KAZALD1: variants seen among roughly 807,000 people sequenced by gnomAD.
KAZALD1 encodes the protein Kazal type serine peptidase inhibitor domain 1, also known as kazal-type serine protease inhibitor domain-containing protein 1.
In KAZALD1, 31 loss-of-function variants were observed where a neutral mutation model predicts 27.7. The observed-to-expected ratio is 1.12, with a 90% CI of 0.84 to 1.51. KAZALD1 has a LOEUF of 1.51. KAZALD1 is among the 40% of genes most tolerant of loss of function. The probability of loss-of-function intolerance (pLI) is 0.00; values close to 1 mark genes in which losing one functional copy is unlikely to be tolerated. For missense variants in KAZALD1, 444 were observed against 408.9 expected, an observed-to-expected ratio of 1.09 and a Z score of -0.74; for synonymous variants, 179 against 182.0, an observed-to-expected ratio of 0.98 and a Z score of 0.13.
chr10:101,068,082 G>C (rs750779970), downstream of KAZALD1: 7 of 448,248 alleles, frequency 1.6e-5, no homozygotes, highest in Non-Finnish European at 3.3e-5. Flanking sequence ...CAGGGGCCTT[G>C]AGACAATTTA....
At position 101,066,443 on chromosome 10, in the gene KAZALD1, G is replaced by A. The variant is rs752896145; in HGVS notation, c.*1523G>A. On this transcript the variant is annotated 3_prime_UTR_variant, in exon 5 of 5. Coordinates refer to ENST00000370200, the MANE Select transcript of KAZALD1 (RefSeq NM_030929.5). The stretch of plus-strand genomic sequence containing the variant: ...TAAGCCAGCGACAGTTTTTATTGCC[G>A]AACCCAGGCTGGAAGCGGGCGGCCC... The A allele has an allele frequency of 8.8e-6, 4 of 456,562 alleles. No individual in the cohort carries two copies. Among genetic ancestry groups the A allele is most frequent in the African/African-American group, 2.0e-5 (1 of 50,084 alleles). 28.3% of individuals were successfully genotyped at this position (456,562 alleles called of 1,614,324 possible).
downstream of KAZALD1, chr10:101,067,293 G>A: frequency 2.2e-6 from 1 of 456,734 alleles, no homozygotes; most frequent in South Asian, 1.5e-5. Flanking sequence ...CCGACCCAGA[G>A]TTGCCAGGCC....
chr10:101,062,763 G>C lies in KAZALD1; in HGVS notation c.171G>C (p.Arg57=), dbSNP rs1380264711. 1 of 1,552,240 alleles carries C rather than the reference G, an allele frequency of 6.4e-7. No individual in the cohort carries two copies. ...LAEGEGCAPC[R]PEECAAPRGC... The stretch of plus-strand genomic sequence containing the variant: ...AGGGCGAGGGCTGCGCTCCCTGCCG[G>C]CCAGAAGAGTGCGCCGCGCCGCGGG... The change falls in exon 2 of 5, where the codon CGG becomes CGC. Residue 57 remains arginine, a synonymous_variant. Coordinates refer to ENST00000370200, the MANE Select transcript of KAZALD1 (RefSeq NM_030929.5).
In KAZALD1 at chr10:101,062,839, G is replaced by A. The variant is rs867396614; in HGVS notation, c.247G>A (p.Ala83Thr). ...RDACGCCWEC[A>T]NLEGQLCDLD... ...CGCGTGCGGCTGCTGCTGGGAATGC[G>A]CCAACCTCGAGGGCCAGCTCTGCGA... The change falls in exon 2 of 5, where the codon GCC (alanine) becomes ACC (threonine). Residue 83 changes from alanine (A) to threonine (T), a missense_variant. Transcript: ENST00000370200. The A allele has an allele frequency of 3.8e-6, 6 of 1,592,582 alleles. No homozygotes were observed. The highest frequency in any genetic ancestry group is 5.1e-6 in the Non-Finnish European group (6 of 1,175,184).
At chr10:101,068,037 G>T (rs1026025634), downstream of KAZALD1, 23 of 471,688 alleles carry the variant, frequency 4.9e-5, no homozygotes, top group Admixed American at 5.4e-4. Context: ...GTGCCATCTG[G>T]TGGATCCTTC....
At position 101,066,951 on chromosome 10, in the gene KAZALD1, G is replaced by A; in HGVS notation, c.*2031G>A. 1 of 315,996 alleles carries A rather than the reference G, an allele frequency of 3.2e-6. No individual in the cohort carries two copies. Among genetic ancestry groups the A allele is most frequent in the East Asian group, 9.4e-5 (1 of 10,692 alleles). The allele number at this position is 315,996 out of a possible 1,614,324, so 19.6% of individuals were successfully genotyped here. A position where few individuals can be genotyped will look rare whatever the true frequency, so the allele number is the denominator to read the frequency against. On this transcript the variant is annotated 3_prime_UTR_variant, in exon 5 of 5. Coordinates refer to ENST00000370200, the MANE Select transcript of KAZALD1 (RefSeq NM_030929.5). ...TCCCTCCCCGCACCCCGCCTCTGCT[G>A]CAGCGGACCCGCTTTAATAATGTCG...
chr10:101,067,914 G>T (rs1469917829), downstream of KAZALD1: 1 of 471,490 alleles, frequency 2.1e-6, no homozygotes, highest in East Asian at 6.9e-5. Flanking sequence ...GGGATGGCGC[G>T]GGCGGTGGCG....
In KAZALD1 at chr10:101,062,996, G is replaced by A; in HGVS notation, c.404G>A (p.Cys135Tyr). ...LCACRSQSPL[C>Y]GSDGHTYSQI... ...GCCTGTCGTTCGCAGAGTCCGCTCT[G>A]CGGGTCCGACGGTCACACCTACTCC... Residue 135 changes from cysteine to tyrosine, a missense_variant, in exon 2 of 5, where the codon TGC (cysteine) becomes TAC (tyrosine). Cys to Tyr is a radical substitution (Grantham distance 194, BLOSUM62 -2). Transcript: ENST00000370200. 6.2e-7 allele frequency: 1 copy of A among 1,600,880 alleles called. No individual in the cohort carries two copies. Among genetic ancestry groups the A allele is most frequent in the Non-Finnish European group, 8.5e-7 (1 of 1,179,250 alleles).
chr10:101,062,573 C>A lies in KAZALD1; in HGVS notation c.-20C>A. ...CGAACGCGCTGATGCCCCGAGTGCT[C>A]GCAGGGCTTCCCGCTAACCATGCTG... On this transcript the variant is annotated 5_prime_UTR_variant, in exon 2 of 5. Transcript: ENST00000370200. The A allele has an allele frequency of 6.3e-7, 1 of 1,580,152 alleles. No individual in the cohort carries two copies. Among genetic ancestry groups the A allele is most frequent in the South Asian group, 1.1e-5 (1 of 89,210 alleles).
downstream of KAZALD1, chr10:101,067,840 G>C (rs1400506750): frequency 2.0e-5 from 9 of 445,618 alleles, no homozygotes; most frequent in Admixed American, 1.6e-4. Flanking sequence ...ACCCGACTCA[G>C]AGAGGGCCAA....
At chr10:101,067,263 G>C (rs1477933825), downstream of KAZALD1, 2 of 456,606 alleles carry the variant, frequency 4.4e-6, no homozygotes, top group Non-Finnish European at 8.8e-6. Context: ...TCACACCCGA[G>C]ATGTGAGGTT....
In KAZALD1 at chr10:101,062,847, C is replaced by G; in HGVS notation, c.255C>G (p.Leu85=). The G allele has an allele frequency of 6.3e-7, 1 of 1,595,130 alleles. No individual in the cohort carries two copies. Among genetic ancestry groups the G allele is most frequent in the Non-Finnish European group, 8.5e-7 (1 of 1,176,234 alleles). ...GCTGCTGCTGGGAATGCGCCAACCT[C>G]GAGGGCCAGCTCTGCGACCTGGACC... The part of the protein sequence containing the change: ...ACGCCWECAN[L]EGQLCDLDPS... Residue 85 remains leucine, a synonymous_variant, in exon 2 of 5, where the codon CTC becomes CTG. Transcript: ENST00000370200.
chr10:101,062,947 G>T lies in KAZALD1; in HGVS notation c.355G>T (p.Gly119Ter). Residue 119 changes from glycine to a stop codon, truncating the protein, a stop_gained, in exon 2 of 5, where the codon GGA (glycine) becomes TGA (stop). Coordinates refer to ENST00000370200, the MANE Select transcript of KAZALD1 (RefSeq NM_030929.5). LOFTEE classifies it high-confidence loss of function. ...GGACACAGGCGGCGACCTGAGCCGC[G>T]GAGAGGTGCCGGAACCTCTGTGTGC... ...RLDTGGDLSRGEVPEPLCACR... is the reference protein window; with the variant it reads ...RLDTGGDLSR The T allele has an allele frequency of 6.2e-7, 1 of 1,602,146 alleles. No individual in the cohort carries two copies. The highest frequency in any genetic ancestry group is 8.5e-7 in the Non-Finnish European group (1 of 1,179,456).
downstream of KAZALD1, chr10:101,067,355 T>C (rs1217609825): frequency 1.1e-5 from 5 of 455,902 alleles, no homozygotes; most frequent in South Asian, 6.2e-5. Context: ...TCCAAGATTT[T>C]AAGTATAGTT....
rs1023738902 is a variant in KAZALD1 at position 101,065,828 on chromosome 10, T to C, written c.*908T>C. 1.3e-5 allele frequency among the ~76,000 whole-genome samples: 2 copies of C among 152,264 alleles called. No homozygotes were observed. The highest frequency in any genetic ancestry group is 6.5e-5 in the Admixed American group (1 of 15,292). On this transcript the variant is annotated 3_prime_UTR_variant, in exon 5 of 5. Coordinates refer to ENST00000370200, the MANE Select transcript of KAZALD1 (RefSeq NM_030929.5). ...CCTCCATTGGGGCTGATATACATTA[T>C]CTGCTTCTTTGCTCATCTTATTCCA...
intron 4 of KAZALD1, 30 bp downstream of exon 4, chr10:101,064,678 G>T (rs757190964): frequency 1.9e-6 from 3 of 1,612,614 alleles, no homozygotes; most frequent in African/African-American, 2.7e-5. Flanking sequence ...CTGGGGGTTG[G>T]GGGGATGGTG....
Position 101,062,823 on chromosome 10 carries a change from C to T in KAZALD1, c.231C>T (p.Gly77=), listed in dbSNP as rs1236928287. 1.3e-6 allele frequency: 2 copies of T among 1,587,268 alleles called. No individual in the cohort carries two copies. The highest frequency in any genetic ancestry group is 1.7e-5 in the Admixed American group (1 of 59,030). Residue 77 remains glycine, a synonymous_variant, in exon 2 of 5, where the codon GGC becomes GGT. Transcript: ENST00000370200. ...CGGGCAGGGTGCGCGACGCGTGCGG[C>T]TGCTGCTGGGAATGCGCCAACCTCG... ...CLAGRVRDAC[G]CCWECANLEG...
At position 101,062,778 on chromosome 10, in the gene KAZALD1, C is replaced by A; in HGVS notation, c.186C>A (p.Ala62=). Residue 62 remains alanine, a synonymous_variant, in exon 2 of 5, where the codon GCC becomes GCA. Coordinates refer to ENST00000370200, the MANE Select transcript of KAZALD1 (RefSeq NM_030929.5). The stretch of plus-strand genomic sequence containing the variant: ...CTCCCTGCCGGCCAGAAGAGTGCGC[C>A]GCGCCGCGGGGCTGCCTGGCGGGCA... ...GCAPCRPEEC[A]APRGCLAGRV... 6.4e-7 allele frequency: 1 copy of A among 1,554,034 alleles called. No homozygotes were observed. The highest frequency in any genetic ancestry group is 8.6e-7 in the Non-Finnish European group (1 of 1,159,570).
chr10:101,062,755 C>A lies in KAZALD1; in HGVS notation c.163C>A (p.Pro55Thr). 6.5e-7 allele frequency: 1 copy of A among 1,546,842 alleles called. No homozygotes were observed. Among genetic ancestry groups the A allele is most frequent in the Non-Finnish European group, 8.6e-7 (1 of 1,156,088 alleles). Reference sequence around the variant, plus strand: ...GCTAGCGGAGGGCGAGGGCTGCGCTCCCTGCCGGCCAGAAGAGTGCGCCGC... The same window carrying A: ...GCTAGCGGAGGGCGAGGGCTGCGCTACCTGCCGGCCAGAAGAGTGCGCCGC... ...RLLAEGEGCA[P>T]CRPEECAAPR... is the part of the protein sequence containing the mutation. The change falls in exon 2 of 5, where the codon CCC becomes ACC. Residue 55 changes from proline (P) to threonine (T), a missense_variant. Pro to Thr is a conservative substitution (Grantham distance 38). Transcript: ENST00000370200.
Sources: allele counts gnomAD v4.1 joint callset (sites outside exome capture counted in the v4.1 genomes callset), GRCh38; gene constraint gnomAD v4.1.1; transcripts MANE v1.5; gene names NCBI Gene and HGNC (gene_info 2026-07-23, HGNC 2026-07-21).